The following DEAF1 variants were observed in gnomAD, a reference collection of about 807,000 sequenced individuals.
DEAF1 encodes the protein DEAF1 transcription factor.
A neutral mutation model predicts 58.9 loss-of-function variants in DEAF1; 53 were observed. That is an observed-to-expected ratio of 0.90 (90% CI 0.72 to 1.13). The LOEUF is 1.13. DEAF1 is among the 50% of genes most tolerant of loss of function. DEAF1 has a pLI of 0.00. For missense variants in DEAF1, 685 were observed against 791.4 expected (o/e 0.87, Z 1.61); for synonymous variants, 385 against 340.4 (o/e 1.13, Z -1.44).
Position 681,062 on chromosome 11 carries a change from A to G in DEAF1, c.898T>C (p.Tyr300His). The change falls in exon 7 of 12, where the codon TAC becomes CAC. Residue 300 changes from tyrosine to histidine, a missense_variant. Tyr to His is a moderately conservative substitution (Grantham distance 83). Around this residue, in one of 3 missense-constraint regions of DEAF1, gnomAD observed 343 missense variants for 379.8 expected, o/e 0.90. Coordinates refer to ENST00000382409, the MANE Select transcript of DEAF1 (RefSeq NM_021008.4). ...TCATTCTCCTTCTTGCGCCTTTTGT[A>G]AGGCACAAAAAGCCTGACTGGGCCA... Reference protein sequence around the residue: ...LSGPVRLFVPYKRRKKENELP... With the variant: ...LSGPVRLFVPHKRRKKENELP... The G allele has an allele frequency of 6.2e-7, 1 of 1,613,984 alleles. No homozygotes were observed. The highest frequency in any genetic ancestry group is 8.5e-7 in the Non-Finnish European group (1 of 1,180,006).
At chr11:665,119 G>T (rs188703508) in intron 10 of DEAF1, among the ~76,000 whole-genome samples, 32 of 136,478 alleles carry the variant, frequency 2.3e-4, no homozygotes, top group Middle Eastern at 3.9e-3. Context: ...AGAGGAGGAG[G>T]ACAGGGTGTC....
At chr11:677,677 G>A (rs1860137861) in intron 9 of DEAF1, among the ~76,000 whole-genome samples, 3 of 105,450 alleles carry the variant, frequency 2.8e-5, no homozygotes. Context: ...AATGATGGCT[G>A]GGCACGATGG....
intron 11 of DEAF1, among the ~76,000 whole-genome samples, chr11:645,526 C>A (rs903126058): frequency 2.6e-5 from 4 of 152,182 alleles, no homozygotes; most frequent in African/African-American, 9.7e-5. Flanking sequence ...CCATGTTGGT[C>A]AGGCTGGTCT....
At chr11:669,126 T>A (rs1266292741) in intron 10 of DEAF1, among the ~76,000 whole-genome samples, 3 of 7,700 alleles carry the variant, frequency 3.9e-4, no homozygotes, top group Non-Finnish European at 1.6e-3. Flanking sequence ...CACCCGACCC[T>A]TTTTTTTTTT....
chr11:705,926 C>A (rs1314265882), intron 1 of DEAF1, among the ~76,000 whole-genome samples: 1 of 152,216 alleles, frequency 6.6e-6, no homozygotes, highest in Non-Finnish European at 1.5e-5. Context: ...GCCCTGCGCC[C>A]CGCCTGTCCC....
chr11:695,839 G>A, upstream of DEAF1: 3 of 1,230,242 alleles, frequency 2.4e-6, no homozygotes, highest in South Asian at 4.0e-5. Context: ...TGGCGGCCCC[G>A]CGGCGAGGTG....
At chr11:687,067 G>A in intron 4 of DEAF1, 70 bp from the exon 5 acceptor site, 3 of 1,605,970 alleles carry the variant, frequency 1.9e-6, no homozygotes, top group Non-Finnish European at 1.7e-6. Context: ...CTACCTCCTG[G>A]CGCCTCCTCA....
chr11:703,515 A>G, intron 1 of DEAF1: 2 of 1,238,886 alleles, frequency 1.6e-6, no homozygotes, highest in South Asian at 3.9e-5. Context: ...TTCAGAACAG[A>G]GGCCTCATCT....
chr11:667,134 C>CGGCCAGCCTG (rs1435670284), intron 10 of DEAF1, among the ~76,000 whole-genome samples: 1 of 151,578 alleles, frequency 6.6e-6, no homozygotes, highest in African/African-American at 2.4e-5. Context: ...AAGGAGTTTG[C>CGGCCAGCCTG]GGCCAGCCTG....
intron 1 of DEAF1, chr11:694,547 T>C (rs2133435621): frequency 4.3e-6 from 1 of 231,908 alleles, no homozygotes; most frequent in East Asian, 5.3e-5. Context: ...GCTAGTCACG[T>C]GGGGCAGGTG....
intron 1 of DEAF1, among the ~76,000 whole-genome samples, chr11:702,159 A>G (rs536848758): frequency 6.6e-6 from 1 of 152,284 alleles, no homozygotes; most frequent in East Asian, 1.9e-4. Context: ...TCTTGTTATC[A>G]GGCCTCAGAC....
At chr11:663,104 G>A (rs1015572600) in intron 10 of DEAF1, among the ~76,000 whole-genome samples, 9 of 152,264 alleles carry the variant, frequency 5.9e-5, no homozygotes, top group Admixed American at 3.9e-4. Flanking sequence ...TTGAGACCAC[G>A]TGTTCAGGAC....
At chr11:662,673 C>T (rs1448763291) in intron 10 of DEAF1, among the ~76,000 whole-genome samples, 1 of 152,180 alleles carries the variant, frequency 6.6e-6, no homozygotes, top group Non-Finnish European at 1.5e-5. Flanking sequence ...TGGAGCTGAT[C>T]TCAAAGAAAT....
intron 6 of DEAF1, among the ~76,000 whole-genome samples, chr11:683,543 CA>C (rs1370926468): frequency 6.6e-6 from 1 of 150,804 alleles, no homozygotes; most frequent in Non-Finnish European, 1.5e-5. Flanking sequence ...TGATTCCACC[CA>C]TTTTAAACTT....
intron 9 of DEAF1, among the ~76,000 whole-genome samples, chr11:675,773 T>C (rs951984631): frequency 1.3e-5 from 2 of 152,054 alleles, no homozygotes; most frequent in Non-Finnish European, 2.9e-5. Flanking sequence ...TGAGCCGAGA[T>C]GGTGCCAGTG....
chr11:702,595 C>T (rs915396186), intron 1 of DEAF1, among the ~76,000 whole-genome samples: 11 of 152,264 alleles, frequency 7.2e-5, no homozygotes, highest in African/African-American at 1.9e-4. Context: ...TCAAAAAAAT[C>T]CCTTCAGTTC....
At chr11:680,702 A>G (rs902575103) in intron 7 of DEAF1, among the ~76,000 whole-genome samples, 7 of 152,202 alleles carry the variant, frequency 4.6e-5, no homozygotes, top group Admixed American at 1.3e-4. Context: ...GCACTCAGCC[A>G]TGCTCACTCA....
upstream of DEAF1, chr11:699,959 G>A (rs1422669861): frequency 5.2e-6 from 3 of 574,772 alleles, no homozygotes; most frequent in Admixed American, 6.1e-5. Context: ...CAGCTCATGG[G>A]ACCACATTGG....
rs1316210574 is a variant in DEAF1 at position 679,966 on chromosome 11, GA to G, written c.998-151del. Reference sequence around the variant, plus strand: ...ACCCTCCCATGTGAAGGACACGGGGGAAATCCCAGACCTTGGAGAAGACCTC... The same window carrying G: ...ACCCTCCCATGTGAAGGACACGGGGGAATCCCAGACCTTGGAGAAGACCTC... On this transcript the variant is annotated intron_variant, in intron 7 of 11. Transcript: ENST00000382409. The G allele has an allele frequency of 2.7e-6, 3 of 1,103,666 alleles. No homozygotes were observed. The East Asian group carries it at 7.8e-5, about 29-fold the overall frequency. The allele number at this position is 1,103,666 out of a possible 1,614,324, so 68.4% of individuals were successfully genotyped here.
Sources: allele counts gnomAD v4.1 joint callset (sites outside exome capture counted in the v4.1 genomes callset), GRCh38; gene constraint gnomAD v4.1.1; regional missense constraint gnomAD v4.1.1; transcripts MANE v1.5; gene names NCBI Gene and HGNC (gene_info 2026-07-23, HGNC 2026-07-21).